The following FAM124A variants were observed in gnomAD, a reference collection of about 807,000 sequenced individuals.
The protein encoded by FAM124A is protein FAM124A.
In FAM124A, 23 loss-of-function variants were observed where a neutral mutation model predicts 24.5. The ratio of observed to expected loss-of-function variants is 0.94; its 90% CI spans 0.68 to 1.33. FAM124A has a LOEUF of 1.33. Ranked by LOEUF, FAM124A falls within the 40% of genes most tolerant of loss-of-function variation. FAM124A has a pLI of 0.00. For synonymous variants in FAM124A, 287 were observed against 314.7 expected (o/e 0.91, Z 0.93); for missense variants, 623 against 722.8 (o/e 0.86, Z 1.58).
At position 51,251,618 on chromosome 13, in the gene FAM124A, G is replaced by A; in HGVS notation, c.251G>A (p.Arg84Lys). The change falls in exon 3 of 4, where the codon AGG becomes AAG. Residue 84 changes from arginine to lysine, a missense_variant. By Grantham distance (26) the Arg-to-Lys change is conservative. Transcript: ENST00000322475. The surrounding 1 kb of genome is among the most constrained non-coding windows in gnomAD (Gnocchi z 5.3). ...PDLPLFRVSE[R>K]RASRRRRKPP... ...CTCCCGCTGTTCCGGGTGTCCGAGAGGCGGGCGTCCCGGCGGCGGCGGAAG... is the reference window on the plus strand; with the variant it reads ...CTCCCGCTGTTCCGGGTGTCCGAGAAGCGGGCGTCCCGGCGGCGGCGGAAG... 3 of 1,568,198 alleles carry A rather than the reference G, an allele frequency of 1.9e-6. No individual in the cohort carries two copies. Among genetic ancestry groups the A allele is most frequent in the Non-Finnish European group, 2.6e-6 (3 of 1,154,970 alleles).
At chr13:51,274,592 CTTTT>C (rs1566175319) in intron 3 of FAM124A, among the ~76,000 whole-genome samples, 1 of 152,004 alleles carries the variant, frequency 6.6e-6, no homozygotes, top group Non-Finnish European at 1.5e-5. Flanking sequence ...GTCCTCATAA[CTTTT>C]TTCTGTTAAA....
rs370218600 is a variant in FAM124A, at chr13:51,251,639, G to A, written c.272G>A (p.Arg91Gln). ...VSERRASRRR[R>Q]KPPKGAQPAL... is the part of the protein sequence containing the mutation. ...GAGAGGCGGGCGTCCCGGCGGCGGCGGAAGCCCCCCAAGGGCGCTCAGCCA... is the reference window on the plus strand; with the variant it reads ...GAGAGGCGGGCGTCCCGGCGGCGGCAGAAGCCCCCCAAGGGCGCTCAGCCA... Residue 91 changes from arginine (R) to glutamine (Q), a missense_variant, in exon 3 of 4, where the codon CGG becomes CAG. Transcript: ENST00000322475. The surrounding 1 kb of genome is among the most constrained non-coding windows in gnomAD (Gnocchi z 5.3). 41 of 1,567,614 alleles carry A rather than the reference G, an allele frequency of 2.6e-5. No individual in the cohort carries two copies. In the African/African-American group the frequency reaches 3.8e-4, roughly 14 times the overall value.
At position 51,281,917 on chromosome 13, in the gene FAM124A, A is replaced by G. The variant is rs1954943734; in HGVS notation, c.*661A>G. On this transcript the variant is annotated 3_prime_UTR_variant, in exon 4 of 4. Coordinates refer to ENST00000322475, the MANE Select transcript of FAM124A (RefSeq NM_001242312.2). ...TGTTTCATAAAGATTTAGCATGAGT[A>G]ACAGACTCTTGGTGCATTTAAAATA... 1.3e-5 allele frequency: 2 copies of G among 152,222 alleles called. No homozygotes were observed. The highest frequency in any genetic ancestry group is 4.8e-5 in the African/African-American group (2 of 41,454). 9.4% of individuals were successfully genotyped at this position (152,222 alleles called of 1,614,324 possible).
Position 51,252,082 on chromosome 13 carries a change from C to T in FAM124A, c.715C>T (p.Leu239=). Residue 239 remains leucine, a synonymous_variant, in exon 3 of 4, where the codon CTG becomes TTG. Transcript: ENST00000322475. The part of the protein sequence containing the change: ...QCPVPTDSSV[L]EFRVRDIGEL... ...CCCGGTGCCCACCGACTCCTCCGTG[C>T]TGGAGTTCCGAGTGAGGGACATAGG... is the stretch of plus-strand genomic sequence containing the variant. 1 of 1,614,150 alleles carries T rather than the reference C, an allele frequency of 6.2e-7. No homozygotes were observed. The highest frequency in any genetic ancestry group is 1.1e-5 in the South Asian group (1 of 91,088).
Position 51,272,413 on chromosome 13 carries a change from G to A in FAM124A, c.835-8037G>A, listed in dbSNP as rs561257428. 1.3e-5 allele frequency among the ~76,000 whole-genome samples: 2 copies of A among 152,270 alleles called. No homozygotes were observed. The highest frequency in any genetic ancestry group is 4.1e-4 in the South Asian group (2 of 4,822). On this transcript the variant is annotated intron_variant, in intron 3 of 3. Transcript: ENST00000322475. This position sits in a 1 kb window ranked among gnomAD's most constrained non-coding sequence, Gnocchi z 4.2. ...CCTAAGAAAGGAGCAGGAGGGAGAT[G>A]GCCGGGCTAAATGGGAAACAGTGTC...
At chr13:51,253,569 T>C (rs554314563) in intron 3 of FAM124A, 1 of 152,348 alleles carries the variant, frequency 6.6e-6, no homozygotes, top group East Asian at 1.9e-4. Flanking sequence ...AAGTAAAAGT[T>C]AATGAAATGC....
At chr13:51,262,539 CA>C (rs1566171753) in intron 3 of FAM124A, among the ~76,000 whole-genome samples, 1 of 152,040 alleles carries the variant, frequency 6.6e-6, no homozygotes, top group East Asian at 1.9e-4. Flanking sequence ...CACTTATCCC[CA>C]AAAATGTAGG....
At chr13:51,261,430 C>T (rs1243121532) in intron 3 of FAM124A, among the ~76,000 whole-genome samples, 1 of 152,192 alleles carries the variant, frequency 6.6e-6, no homozygotes, top group African/African-American at 2.4e-5. Flanking sequence ...TGCTTGAAAG[C>T]CACCCCCAGA....
intron 3 of FAM124A, among the ~76,000 whole-genome samples, chr13:51,260,705 CT>C (rs1954726861): frequency 2.0e-5 from 3 of 152,178 alleles, no homozygotes; most frequent in Admixed American, 2.0e-4. Flanking sequence ...GCACAGCCAA[CT>C]CATGGACCCA....
At chr13:51,261,381 C>T (rs775455854) in intron 3 of FAM124A, among the ~76,000 whole-genome samples, 1 of 152,212 alleles carries the variant, frequency 6.6e-6, no homozygotes, top group Non-Finnish European at 1.5e-5. Flanking sequence ...AACTGCATTG[C>T]CTGCACAGGG....
At chr13:51,235,828 T>C (rs1401645534) in intron 2 of FAM124A, among the ~76,000 whole-genome samples, 3 of 152,186 alleles carry the variant, frequency 2.0e-5, no homozygotes, top group Non-Finnish European at 4.4e-5. Context: ...CCTGAGGAAT[T>C]CTCTGTGGCT....
chr13:51,245,199 C>T lies in FAM124A; in HGVS notation c.101-6269C>T, dbSNP rs889375051. ...TTTACATAGGGCACAAAAGATTGGT[C>T]GGACCAGGTGTGCCATTTGCATAAG... is the stretch of plus-strand genomic sequence containing the variant. On this transcript the variant is annotated intron_variant, in intron 2 of 3. Coordinates refer to ENST00000322475, the MANE Select transcript of FAM124A (RefSeq NM_001242312.2). The T allele has an allele frequency of 3.8e-5, 17 of 447,072 alleles. No individual in the cohort carries two copies. The East Asian group carries it at 4.5e-4, about 12-fold the overall frequency. The allele number at this position is 447,072 out of a possible 1,614,324, so 27.7% of individuals were successfully genotyped here. A position where few individuals can be genotyped will look rare whatever the true frequency, so the allele number is the denominator to read the frequency against.
In FAM124A at chr13:51,261,808, AC is replaced by A. The variant is rs1191167483; in HGVS notation, c.834+9608del. Among the ~76,000 whole-genome samples the A allele has an allele frequency of 2.0e-5, 3 of 152,374 alleles. No homozygotes were observed. In the East Asian group the frequency reaches 5.8e-4, roughly 29 times the overall value. ...GGCCCATCCCCTGGAACACAGGGCT[AC>A]AAGCCAACCACTCTGTGCCTGTGAG... On this transcript the variant is annotated intron_variant, in intron 3 of 3. Transcript: ENST00000322475.
chr13:51,239,668 A>C (rs1021944798), intron 2 of FAM124A, among the ~76,000 whole-genome samples: 2 of 152,130 alleles, frequency 1.3e-5, no homozygotes, highest in Admixed American at 1.3e-4. Flanking sequence ...AAAAACTCCT[A>C]CAATTGGAAT....
intron 1 of FAM124A, 130 bp from the exon 2 acceptor site, chr13:51,231,218 G>A (rs1954373301): frequency 1.1e-6 from 1 of 942,144 alleles, no homozygotes; most frequent in East Asian, 2.4e-5. Flanking sequence ...ATGAGCCTTA[G>A]CACTGCAGTT....
rs1479886851 is a variant in FAM124A at position 51,280,557 on chromosome 13, A to T, written c.942A>T (p.Thr314=). 1 of 1,613,772 alleles carries T rather than the reference A, an allele frequency of 6.2e-7. No individual in the cohort carries two copies. The highest frequency in any genetic ancestry group is 2.2e-5 in the East Asian group (1 of 44,874). ...CGAGCACTGCTGTACCAAGCCATACACCTGGCAGCAGCCAGCAGTCCCCGC... is the reference window on the plus strand; with the variant it reads ...CGAGCACTGCTGTACCAAGCCATACTCCTGGCAGCAGCCAGCAGTCCCCGC... ...PLPSTAVPSH[T]PGSSQQSPLN... is the part of the protein sequence containing the mutation. The change falls in exon 4 of 4, where the codon ACA becomes ACT. Residue 314 remains threonine, a synonymous_variant. Coordinates refer to ENST00000322475, the MANE Select transcript of FAM124A (RefSeq NM_001242312.2).
At chr13:51,261,135 G>A (rs987757889) in intron 3 of FAM124A, among the ~76,000 whole-genome samples, 3 of 152,134 alleles carry the variant, frequency 2.0e-5, no homozygotes, top group Admixed American at 6.5e-5. Context: ...GCAGCTACTC[G>A]GTAAGCATTA....
At chr13:51,279,728 C>A (rs1954916603) in intron 3 of FAM124A, among the ~76,000 whole-genome samples, 1 of 152,202 alleles carries the variant, frequency 6.6e-6, no homozygotes, top group African/African-American at 2.4e-5. Context: ...GCTCATCCAA[C>A]CCCTGCAGGA....
At chr13:51,244,467 T>C (rs1954534448) in intron 2 of FAM124A, among the ~76,000 whole-genome samples, 1 of 152,208 alleles carries the variant, frequency 6.6e-6, no homozygotes, top group Non-Finnish European at 1.5e-5. Flanking sequence ...AGTGACAAAT[T>C]GTGTCTAAAG....
Sources: allele counts gnomAD v4.1 joint callset (sites outside exome capture counted in the v4.1 genomes callset), GRCh38; gene constraint gnomAD v4.1.1; non-coding constraint Gnocchi (gnomAD v3.1); transcripts MANE v1.5; gene names NCBI Gene and HGNC (gene_info 2026-07-23, HGNC 2026-07-21).